Variants in SHANK2 observed in about 807,000 individuals in gnomAD.
The protein encoded by SHANK2 is SH3 and multiple ankyrin repeat domains 2, also known as SH3 and multiple ankyrin repeat domains protein 2.
A neutral mutation model predicts 133.7 loss-of-function variants in SHANK2; 43 were observed. The observed-to-expected ratio is 0.32, with a 90% confidence interval of 0.25 to 0.41. The LOEUF is 0.41. Ranked by LOEUF, SHANK2 falls within the 10% of genes least tolerant of loss-of-function variation. The probability of loss-of-function intolerance (pLI) is 1.00; values close to 1 mark genes in which losing one functional copy is unlikely to be tolerated. For synonymous variants in SHANK2, 1,017 were observed against 952.8 expected (o/e 1.07, Z -1.24); for missense variants, 1,994 against 2,235.8 (o/e 0.89, Z 2.18).
intron 1 of SHANK2, among the ~76,000 whole-genome samples, chr11:71,233,948 G>T (rs1954787476): frequency 6.6e-6 from 1 of 152,120 alleles, no homozygotes. Context: ...TCGGGAGGCT[G>T]AGGCAGGAAA....
At chr11:71,068,801 C>T (rs1951101836) in intron 9 of SHANK2, among the ~76,000 whole-genome samples, 1 of 152,172 alleles carries the variant, frequency 6.6e-6, no homozygotes, top group Non-Finnish European at 1.5e-5. Context: ...ACTGCCATCA[C>T]CATCACCATG....
chr11:70,954,046 G>T (rs181598643), intron 10 of SHANK2, among the ~76,000 whole-genome samples: 1 of 152,342 alleles, frequency 6.6e-6, no homozygotes, highest in African/African-American at 2.4e-5. Context: ...AAATTGCAAT[G>T]CAGACAGCAG....
At chr11:71,218,805 G>A (rs1954473258) in intron 2 of SHANK2, among the ~76,000 whole-genome samples, 1 of 152,186 alleles carries the variant, frequency 6.6e-6, no homozygotes, top group Non-Finnish European at 1.5e-5. Context: ...AACTAACTGG[G>A]AAGGAAGCCC....
chr11:71,087,479 A>G (rs913350282), intron 8 of SHANK2, among the ~76,000 whole-genome samples: 25 of 152,296 alleles, frequency 1.6e-4, no homozygotes, highest in African/African-American at 5.5e-4. Flanking sequence ...TTTAGCCTGC[A>G]TCACACCTTC....
chr11:70,801,398 G>A (rs1948043028), intron 13 of SHANK2, among the ~76,000 whole-genome samples: 1 of 152,156 alleles, frequency 6.6e-6, no homozygotes, highest in Admixed American at 6.5e-5. Context: ...TGGAGGAGGG[G>A]GCCCCTTCTG....
intron 17 of SHANK2, among the ~76,000 whole-genome samples, chr11:70,632,780 G>A (rs1359637696): frequency 6.6e-6 from 1 of 152,138 alleles, no homozygotes; most frequent in Non-Finnish European, 1.5e-5. Context: ...ATACTAATTG[G>A]TTTATTTTTT....
Position 71,210,236 on chromosome 11 carries a change from ATATATATATATATATATT to A in SHANK2, c.-13+14443_-13+14460del, listed in dbSNP as rs1240215835. 6.5e-4 allele frequency among the ~76,000 whole-genome samples: 50 copies of A among 76,504 alleles called. 1 individual carries two copies. Among genetic ancestry groups the A allele is most frequent in the African/African-American group, 2.5e-3 (44 of 17,660 alleles). 50.2% of individuals were successfully genotyped at this position (76,504 alleles called of 152,430 possible). A position where few individuals can be genotyped will look rare whatever the true frequency, so the allele number is the denominator to read the frequency against. On this transcript the variant is annotated intron_variant, in intron 2 of 25. Coordinates refer to ENST00000601538, the MANE Select transcript of SHANK2 (RefSeq NM_012309.5). ...TATATATATATATATATATATATAT[ATATATATATATATATATT>A]TATTTATTTTTTGAAACAGAGTCTC... is the stretch of plus-strand genomic sequence containing the variant.
At chr11:71,121,952 T>C (rs1952090711) in intron 3 of SHANK2, among the ~76,000 whole-genome samples, 1 of 152,150 alleles carries the variant, frequency 6.6e-6, no homozygotes, top group South Asian at 2.1e-4. Flanking sequence ...TGAGATACCA[T>C]CTCACACCAG....
At chr11:70,497,201 A>C (rs1013585673) in intron 21 of SHANK2, among the ~76,000 whole-genome samples, 2 of 152,170 alleles carry the variant, frequency 1.3e-5, no homozygotes, top group African/African-American at 4.8e-5. Context: ...GGCCAGTGGG[A>C]TCATGCTGGC....
At position 70,502,935 on chromosome 11, in the gene SHANK2, T is replaced by G; in HGVS notation, c.2062-4A>C. On this transcript the variant is annotated splice_polypyrimidine_tract_variant and splice_region_variant and intron_variant, in intron 17 of 25. Coordinates refer to ENST00000601538, the MANE Select transcript of SHANK2 (RefSeq NM_012309.5). ...TGACAACATTCTCATTGTTAACCTG[T>G]GGGAAGGCGGAGAGGATGGCATCAG... 1 of 1,613,928 alleles carries G rather than the reference T, an allele frequency of 6.2e-7. No homozygotes were observed. The highest frequency in any genetic ancestry group is 8.5e-7 in the Non-Finnish European group (1 of 1,179,966).
intron 18 of SHANK2, 44 bp downstream of exon 18, chr11:70,502,752 C>CCCA: frequency 7.4e-7 from 1 of 1,345,262 alleles, no homozygotes; most frequent in South Asian, 1.3e-5. Flanking sequence ...CCCCCCCCCC[C>CCCA]CAGTAGGGCC....
At chr11:71,108,964 G>A (rs868949189) in intron 6 of SHANK2, among the ~76,000 whole-genome samples, 3 of 152,346 alleles carry the variant, frequency 2.0e-5, no homozygotes, top group Middle Eastern at 3.4e-3. Context: ...AGAGGTCGAG[G>A]GGGCTCCCAC....
chr11:70,642,554 G>A (rs992092660), intron 17 of SHANK2, among the ~76,000 whole-genome samples: 20 of 152,186 alleles, frequency 1.3e-4, no homozygotes, highest in Non-Finnish European at 2.1e-4. Context: ...AGGCGGGGCC[G>A]AGAGGTGTCT....
chr11:71,078,596 C>T (rs896784402), intron 8 of SHANK2, among the ~76,000 whole-genome samples: 6 of 152,136 alleles, frequency 3.9e-5, no homozygotes, highest in African/African-American at 7.2e-5. Flanking sequence ...ACTCAGACAC[C>T]GGACCAAACT....
intron 13 of SHANK2, among the ~76,000 whole-genome samples, chr11:70,801,302 C>G (rs782115779): frequency 1.3e-5 from 2 of 152,322 alleles, no homozygotes; most frequent in South Asian, 4.1e-4. Context: ...GCAGAGGTGA[C>G]GTGCTGCAAG....
In SHANK2 at chr11:70,621,205, A is replaced by G. The variant is rs573968356; in HGVS notation, c.2061+38623T>C. ...CTGCTCTGACCTCCCAGGAAGACCC[A>G]ATTTCTGGGGTGTCCAAGGGGCAGT... On this transcript the variant is annotated intron_variant, in intron 17 of 25. Coordinates refer to ENST00000601538, the MANE Select transcript of SHANK2 (RefSeq NM_012309.5). 8.5e-5 allele frequency among the ~76,000 whole-genome samples: 13 copies of G among 152,294 alleles called. No homozygotes were observed. In the East Asian group the frequency reaches 2.5e-3, roughly 29 times the overall value.
intron 11 of SHANK2, among the ~76,000 whole-genome samples, chr11:70,851,643 T>G (rs548001818): frequency 6.6e-6 from 1 of 152,342 alleles, no homozygotes; most frequent in Admixed American, 6.5e-5. Flanking sequence ...GCCTCAGTTA[T>G]GGACCACCTA....
chr11:70,627,756 A>G lies in SHANK2; in HGVS notation c.2061+32072T>C, dbSNP rs543917699. On this transcript the variant is annotated intron_variant, in intron 17 of 25. Transcript: ENST00000601538. ...ATACAACATTTAAAGAATTTTGTGC[A>G]TGAAACAGTTTTCATTGTGTTTTGA... Among the ~76,000 whole-genome samples the G allele has an allele frequency of 1.2e-4, 19 of 152,364 alleles. No individual in the cohort carries two copies. In the South Asian group the frequency reaches 1.4e-3, roughly 12 times the overall value.
intron 14 of SHANK2, among the ~76,000 whole-genome samples, chr11:70,721,099 G>A (rs1474791286): frequency 6.6e-6 from 1 of 152,232 alleles, no homozygotes; most frequent in Admixed American, 6.5e-5. Context: ...CCTTCTCTCT[G>A]TGCCCCTCCC....
Sources: allele counts gnomAD v4.1 joint callset (sites outside exome capture counted in the v4.1 genomes callset), GRCh38; gene constraint gnomAD v4.1.1; transcripts MANE v1.5; gene names NCBI Gene and HGNC (gene_info 2026-07-23, HGNC 2026-07-21).